MACROD2: variants seen among roughly 807,000 people sequenced by gnomAD.
The protein encoded by MACROD2 is mono-ADP ribosylhydrolase 2, also known as ADP-ribose glycohydrolase MACROD2.
Under a neutral mutation model 70.4 loss-of-function variants are expected in MACROD2, and 36 were observed. The ratio of observed to expected loss-of-function variants is 0.51; its 90% CI spans 0.39 to 0.68. The LOEUF (loss-of-function observed/expected upper bound fraction) is 0.68, where lower values mean the gene tolerates loss of function less well. Among genes scored for constraint, MACROD2 ranks in the 30% least tolerant of loss-of-function variants. The pLI, the probability that MACROD2 is intolerant of heterozygous loss-of-function variation, is 0.00. For missense variants in MACROD2, 496 were observed against 538.4 expected, an observed-to-expected ratio of 0.92 and a Z score of 0.78; for synonymous variants, 172 against 178.8, an observed-to-expected ratio of 0.96 and a Z score of 0.30.
chr20:15,287,368 C>A (rs2077501500), intron 6 of MACROD2, among the ~76,000 whole-genome samples: 1 of 152,010 alleles, frequency 6.6e-6, no homozygotes, highest in Admixed American at 6.6e-5. Context: ...TGCCTGTTAC[C>A]ACGGCTTCTT....
chr20:15,864,388 C>G (rs1190607173), intron 9 of MACROD2, among the ~76,000 whole-genome samples: 2 of 152,046 alleles, frequency 1.3e-5, no homozygotes, highest in African/African-American at 4.8e-5. Flanking sequence ...CATGTCTTGT[C>G]AGTATCACAT....
At chr20:15,317,120 T>C (rs549911315) in intron 6 of MACROD2, among the ~76,000 whole-genome samples, 1 of 152,124 alleles carries the variant, frequency 6.6e-6, no homozygotes, top group African/African-American at 2.4e-5. Flanking sequence ...CTCAAATCAA[T>C]AATCCAATTT....
At chr20:16,041,661 G>T (rs1297134202) in intron 16 of MACROD2, among the ~76,000 whole-genome samples, 1 of 151,938 alleles carries the variant, frequency 6.6e-6, no homozygotes, top group African/African-American at 2.4e-5. Flanking sequence ...ATTCGGGAGA[G>T]CCCTACCTTT....
At chr20:15,076,210 A>T (rs1322108) in intron 5 of MACROD2, among the ~76,000 whole-genome samples, 18,576 of 152,118 alleles carry the variant, frequency 0.12, 1,240 homozygotes, top group South Asian at 0.21. Flanking sequence ...CTTGTAATGT[A>T]TTTACAAATT....
intron 12 of MACROD2, among the ~76,000 whole-genome samples, chr20:15,954,239 G>A (rs568206791): frequency 6.6e-6 from 1 of 152,196 alleles, no homozygotes; most frequent in South Asian, 2.1e-4. Flanking sequence ...TTCCCTCCAA[G>A]TAAAATGCAA....
intron 5 of MACROD2, among the ~76,000 whole-genome samples, chr20:14,731,605 G>C (rs2071598154): frequency 6.6e-6 from 1 of 152,116 alleles, no homozygotes; most frequent in African/African-American, 2.4e-5. Flanking sequence ...TATATGATTT[G>C]GGGATATTCT....
intron 15 of MACROD2, among the ~76,000 whole-genome samples, chr20:16,017,831 A>G (rs547573977): frequency 1.3e-5 from 2 of 152,340 alleles, no homozygotes; most frequent in South Asian, 2.1e-4. Flanking sequence ...AATAAATGTC[A>G]TTAGCCTAGC....
chr20:14,878,005 A>G (rs1395837258), intron 5 of MACROD2, among the ~76,000 whole-genome samples: 2 of 152,124 alleles, frequency 1.3e-5, no homozygotes, highest in Non-Finnish European at 2.9e-5. Context: ...GTTAGGGAAG[A>G]GTCCCTTTTC....
rs577964394 is a variant in MACROD2, at chr20:14,680,313, C to T, written c.302-4530C>T. ...AATAACTGAGAAAATAATTCAGCAG[C>T]TTCTTAACTGTATGTCTATAGAATT... On this transcript the variant is annotated intron_variant, in intron 4 of 17. Transcript: ENST00000684519. 5.3e-5 allele frequency among the ~76,000 whole-genome samples: 8 copies of T among 152,248 alleles called. No individual in the cohort carries two copies. In the East Asian group the frequency reaches 1.4e-3, roughly 26 times the overall value.
intron 3 of MACROD2, chr20:14,325,782 A>G (rs1000722305): frequency 6.2e-7 from 1 of 1,613,924 alleles, no homozygotes; most frequent in Non-Finnish European, 8.5e-7. Context: ...CAGCTTCTGC[A>G]TAGTCATCCT....
chr20:14,755,853 A>G (rs923026935), intron 5 of MACROD2, among the ~76,000 whole-genome samples: 1 of 152,076 alleles, frequency 6.6e-6, no homozygotes, highest in Non-Finnish European at 1.5e-5. Flanking sequence ...CAAATTGTCC[A>G]TATTCTGAAC....
chr20:15,381,977 C>A (rs2045650564), intron 6 of MACROD2, among the ~76,000 whole-genome samples: 1 of 152,102 alleles, frequency 6.6e-6, no homozygotes, highest in African/African-American at 2.4e-5. Flanking sequence ...GGTGACAAAT[C>A]CCTAGCTGGG....
intron 7 of MACROD2, among the ~76,000 whole-genome samples, chr20:15,434,417 A>G (rs1318498210): frequency 6.6e-6 from 1 of 152,150 alleles, no homozygotes; most frequent in Non-Finnish European, 1.5e-5. Flanking sequence ...CATGTGAAAA[A>G]ATGCTCAACC....
chr20:14,495,150 C>A (rs408945), intron 4 of MACROD2, among the ~76,000 whole-genome samples: 67,355 of 151,922 alleles, frequency 0.44, 16,098 homozygotes, highest in African/African-American at 0.63. Context: ...TTAAAATCCA[C>A]AATAACAGTA....
intron 7 of MACROD2, among the ~76,000 whole-genome samples, chr20:15,491,783 G>T (rs887784550): frequency 1.3e-5 from 2 of 151,252 alleles, no homozygotes; most frequent in African/African-American, 4.8e-5. Context: ...GGGTAAAAGG[G>T]GCTGGCACCA....
chr20:15,299,770 G>A (rs534303620), intron 6 of MACROD2, among the ~76,000 whole-genome samples: 4 of 152,300 alleles, frequency 2.6e-5, no homozygotes, highest in Admixed American at 2.6e-4. Context: ...AAAGTAGCAG[G>A]ACCCAGTTTG....
intron 4 of MACROD2, among the ~76,000 whole-genome samples, chr20:14,532,222 T>C (rs1056641636): frequency 5.4e-5 from 8 of 149,338 alleles, no homozygotes; most frequent in African/African-American, 1.5e-4. Context: ...ACTAATCTTT[T>C]TTTTTTTTTT....
chr20:14,649,593 A>G (rs1239792052), intron 4 of MACROD2, among the ~76,000 whole-genome samples: 1 of 152,170 alleles, frequency 6.6e-6, no homozygotes, highest in Non-Finnish European at 1.5e-5. Context: ...TCCCTTAGGG[A>G]CATAGAATGC....
intron 3 of MACROD2, among the ~76,000 whole-genome samples, chr20:14,322,631 T>C (rs1277635878): frequency 2.6e-5 from 4 of 152,064 alleles, no homozygotes; most frequent in African/African-American, 9.7e-5. Context: ...AAAGACAGAG[T>C]GTTGGGAAAC....
Sources: gnomAD v4.1 joint callset for allele counts (sites outside exome capture counted in the v4.1 genomes callset) on GRCh38, gnomAD v4.1.1 for gene constraint, MANE v1.5 for transcripts, NCBI Gene and HGNC (gene_info 2026-07-23, HGNC 2026-07-21) for gene names.